The following COL5A1 variants were observed in gnomAD, a reference collection of about 807,000 sequenced individuals.
COL5A1 encodes collagen alpha-1(V) chain.
A neutral mutation model predicts 263.7 loss-of-function variants in COL5A1; 16 were observed. That is an observed-to-expected ratio of 0.06 (90% confidence interval 0.04 to 0.09). COL5A1 has a LOEUF of 0.09. Ranked by LOEUF, COL5A1 falls within the 10% of genes least tolerant of loss-of-function variation. COL5A1 has a pLI of 1.00. For missense variants in COL5A1, 2,036 were observed against 2,540.5 expected (o/e 0.80, Z 4.27); for synonymous variants, 1,012 against 1,004.5 (o/e 1.01, Z -0.14).
chr9:134,825,684 G>A (rs1231748222), intron 62 of COL5A1, 108 bp from the exon 63 acceptor site: 1 of 716,254 alleles, frequency 1.4e-6, no homozygotes, highest in Non-Finnish European at 2.5e-6. Flanking sequence ...GGCATTCCTG[G>A]GGCGTGCATT....
chr9:134,809,250 C>T lies in COL5A1; in HGVS notation c.3434C>T (p.Pro1145Leu), dbSNP rs1838419543. The T allele has an allele frequency of 6.2e-7, 1 of 1,608,994 alleles. No homozygotes were observed. Among genetic ancestry groups the T allele is most frequent in the Non-Finnish European group, 8.5e-7 (1 of 1,178,192 alleles). Residue 1145 changes from proline (P) to leucine (L), a missense_variant, in exon 43 of 66, where the codon CCA becomes CTA. Coordinates refer to ENST00000371817, the MANE Select transcript of COL5A1 (RefSeq NM_000093.5). Reference sequence around the variant, plus strand: ...CAGGGGCCTGTGGGGCTCCCGGGTCCAGCTGGCCCTGTGGGTCCCCCTGGA... The same window carrying T: ...CAGGGGCCTGTGGGGCTCCCGGGTCTAGCTGGCCCTGTGGGTCCCCCTGGA... The part of the protein sequence containing the change: ...GLQGPVGLPG[P>L]AGPVGPPGED...
intron 63 of COL5A1, among the ~76,000 whole-genome samples, chr9:134,827,691 C>T (rs1839346309): frequency 1.3e-5 from 2 of 152,184 alleles, no homozygotes; most frequent in Non-Finnish European, 1.5e-5. Context: ...ACCAGCCAGG[C>T]GTCCACAGGC....
chr9:134,685,229 A>G (rs1832994400), intron 1 of COL5A1, among the ~76,000 whole-genome samples: 1 of 143,306 alleles, frequency 7.0e-6, no homozygotes, highest in Admixed American at 6.9e-5. Flanking sequence ...CCATTCACCC[A>G]TCCATCCATT....
intron 2 of COL5A1, among the ~76,000 whole-genome samples, chr9:134,694,873 C>T (rs1177627260): frequency 6.6e-6 from 1 of 152,164 alleles, no homozygotes; most frequent in Admixed American, 6.5e-5. Flanking sequence ...CTGAAGGCAG[C>T]GGGCCTGGCT....
At position 134,742,380 on chromosome 9, in the gene COL5A1, A is replaced by G. The variant is rs1835335974; in HGVS notation, c.1494+3572A>G. On this transcript the variant is annotated intron_variant, in intron 11 of 65. Transcript: ENST00000371817. This position sits in a 1 kb window ranked among gnomAD's most constrained non-coding sequence, Gnocchi z 4.6. The stretch of plus-strand genomic sequence containing the variant: ...TAATTAGTAAAGGCATTGGAGGAAG[A>G]GCTGGGAATCCCGAGATGGGAGGTC... Among the ~76,000 whole-genome samples, 3 of 152,144 alleles carry G rather than the reference A, an allele frequency of 2.0e-5. No homozygotes were observed.
chr9:134,686,627 G>A lies in COL5A1; in HGVS notation c.110-4285G>A, dbSNP rs1833089214. ...GCGTCCATTCCTTTATAGGTCTGGG[G>A]ACCTGATGCCTGGTTATATCCTCAT... On this transcript the variant is annotated intron_variant, in intron 1 of 65. Transcript: ENST00000371817. The surrounding 1 kb of genome is among the most constrained non-coding windows in gnomAD (Gnocchi z 4.6). 6.6e-6 allele frequency among the ~76,000 whole-genome samples: 1 copy of A among 152,100 alleles called. No homozygotes were observed. Among genetic ancestry groups the A allele is most frequent in the Admixed American group, 6.5e-5 (1 of 15,274 alleles).
In COL5A1 at chr9:134,835,217, C is replaced by T. The variant is rs368524277; in HGVS notation, c.5370+13C>T. 1.4e-4 allele frequency: 232 copies of T among 1,608,774 alleles called. No individual in the cohort carries two copies. The highest frequency in any genetic ancestry group is 1.8e-4 in the Non-Finnish European group (209 of 1,176,458). On this transcript the variant is annotated intron_variant, in intron 65 of 65. Coordinates refer to ENST00000371817, the MANE Select transcript of COL5A1 (RefSeq NM_000093.5). ...GGACGGCTGTGCTGTGAGTATCCCG[C>T]GCCGCGCCCAGCACCCCTGCTCACG...
intron 4 of COL5A1, among the ~76,000 whole-genome samples, chr9:134,717,548 C>T (rs1218400596): frequency 4.6e-5 from 7 of 152,218 alleles, no homozygotes; most frequent in African/African-American, 9.6e-5. Flanking sequence ...TCCCGGCCTC[C>T]GTCCCTCCCA....
chr9:134,700,860 T>C lies in COL5A1; in HGVS notation c.492-311T>C, dbSNP rs377671770. ...ACCACGCTCCCAGGGACCACACTCC[T>C]GGGTCCCGAGCCAGTGCCGAGTGCT... On this transcript the variant is annotated intron_variant, in intron 3 of 65. Transcript: ENST00000371817. This position sits in a 1 kb window ranked among gnomAD's most constrained non-coding sequence, Gnocchi z 4.0. Among the ~76,000 whole-genome samples, 20 of 152,248 alleles carry C rather than the reference T, an allele frequency of 1.3e-4. No individual in the cohort carries two copies. Among genetic ancestry groups the C allele is most frequent in the African/African-American group, 4.8e-4 (20 of 41,562 alleles).
intron 27 of COL5A1, among the ~76,000 whole-genome samples, chr9:134,777,880 C>T (rs1837109852): frequency 6.6e-6 from 1 of 152,242 alleles, no homozygotes; most frequent in South Asian, 2.1e-4. Flanking sequence ...ACCTTGCATT[C>T]AGGATCAGAC....
intron 43 of COL5A1, among the ~76,000 whole-genome samples, chr9:134,809,592 C>A (rs547098960): frequency 6.9e-4 from 105 of 152,324 alleles, no homozygotes; most frequent in Non-Finnish European, 1.2e-3. Flanking sequence ...GCTCCCCGGT[C>A]CCCCCGAATA....
At position 134,657,819 on chromosome 9, in the gene COL5A1, G is replaced by A. The variant is rs559456480; in HGVS notation, c.109+15523G>A. Among the ~76,000 whole-genome samples the A allele has an allele frequency of 4.6e-5, 7 of 152,012 alleles. No individual in the cohort carries two copies. In the South Asian group the frequency reaches 1.4e-3, roughly 31 times the overall value. On this transcript the variant is annotated intron_variant, in intron 1 of 65. Coordinates refer to ENST00000371817, the MANE Select transcript of COL5A1 (RefSeq NM_000093.5). ...CCTGGAGAGGACTCTGATGTCTTCTGGGGAGGGGGCACAGAGTCAGTGGCC... is the reference window on the plus strand; with the variant it reads ...CCTGGAGAGGACTCTGATGTCTTCTAGGGAGGGGGCACAGAGTCAGTGGCC...
Position 134,705,610 on chromosome 9 carries a change from A to C in COL5A1, c.654+4277A>C, listed in dbSNP as rs974584723. ...GGGGCGATAGGGCCAACGCTGTCGG[A>C]TTTTGGGTTGGTGAGATCAAATCTG... On this transcript the variant is annotated intron_variant, in intron 4 of 65. Transcript: ENST00000371817. Among the ~76,000 whole-genome samples, 3 of 152,148 alleles carry C rather than the reference A, an allele frequency of 2.0e-5. No homozygotes were observed. In the East Asian group the frequency reaches 5.8e-4, roughly 29 times the overall value.
chr9:134,827,254 C>T (rs541029292), intron 63 of COL5A1, among the ~76,000 whole-genome samples: 30 of 152,338 alleles, frequency 2.0e-4, no homozygotes, highest in East Asian at 7.7e-4. Flanking sequence ...CCCTCAATCA[C>T]GCCCTGACCG....
At chr9:134,662,291 G>A (rs922376847) in intron 1 of COL5A1, among the ~76,000 whole-genome samples, 1 of 152,152 alleles carries the variant, frequency 6.6e-6, no homozygotes, top group African/African-American at 2.4e-5. Flanking sequence ...CTTCCAGGCC[G>A]CTCAGGGCAG....
At chr9:134,751,163 C>T (rs866318607) in intron 13 of COL5A1, among the ~76,000 whole-genome samples, 10 of 151,066 alleles carry the variant, frequency 6.6e-5, no homozygotes, top group African/African-American at 2.2e-4. Context: ...ACCCCGAGAG[C>T]GTGTCACTGT....
rs201112363 is a variant in COL5A1 at position 134,768,389 on chromosome 9, G to C, written c.2233-21G>C. 5.1e-4 allele frequency: 815 copies of C among 1,612,498 alleles called. 12 individuals are homozygous for C. The South Asian group carries it at 7.2e-3, about 14-fold the overall frequency. ...GAGCCTAGGGAGGGCATCTCCTCAT[G>C]GAGTCTCTGGTTTGTTCTAGGGTCC... On this transcript the variant is annotated intron_variant, in intron 24 of 65. Coordinates refer to ENST00000371817, the MANE Select transcript of COL5A1 (RefSeq NM_000093.5).
At chr9:134,720,923 G>A (rs1834426744) in intron 4 of COL5A1, among the ~76,000 whole-genome samples, 1 of 152,192 alleles carries the variant, frequency 6.6e-6, no homozygotes, top group South Asian at 2.1e-4. Context: ...CAAGGTCTGT[G>A]AGGGGCGGCT....
intron 39 of COL5A1, among the ~76,000 whole-genome samples, chr9:134,804,653 GGCTCAGGCT>G (rs1838230597): frequency 6.6e-6 from 1 of 152,232 alleles, no homozygotes; most frequent in South Asian, 2.1e-4. Context: ...TCCAGGTGGA[GGCTCAGGCT>G]GTGCTCCCAC....
Sources: allele counts gnomAD v4.1 joint callset (sites outside exome capture counted in the v4.1 genomes callset), GRCh38; gene constraint gnomAD v4.1.1; non-coding constraint Gnocchi (gnomAD v3.1); transcripts MANE v1.5; gene names NCBI Gene and HGNC (gene_info 2026-07-23, HGNC 2026-07-21).